Variants in EYS observed in about 807,000 individuals in gnomAD.
EYS encodes EGF-like photoreceptor maintenance factor, also known as protein eyes shut homolog.
EYS carries 250 observed loss-of-function variants against 282.1 expected under a neutral mutation model. The observed-to-expected ratio is 0.89, with a 90% CI of 0.80 to 0.98. EYS has a LOEUF of 0.98. EYS is among the 50% of genes least tolerant of loss of function. The pLI, the probability that EYS is intolerant of heterozygous loss-of-function variation, is 0.00. For synonymous variants in EYS, 1,355 were observed against 1,282.9 expected, an observed-to-expected ratio of 1.06 and a Z score of -1.20; for missense variants, 4,016 against 3,709.0, an observed-to-expected ratio of 1.08 and a Z score of -2.15.
chr6:64,485,886 C>A (rs1276427815), intron 26 of EYS, among the ~76,000 whole-genome samples: 1 of 151,180 alleles, frequency 6.6e-6, no homozygotes, highest in East Asian at 1.9e-4. Flanking sequence ...TATTAGTCAA[C>A]AAATATTCAT....
chr6:64,630,061 A>G (rs1767730440), intron 22 of EYS, among the ~76,000 whole-genome samples: 1 of 151,930 alleles, frequency 6.6e-6, no homozygotes, highest in Non-Finnish European at 1.5e-5. Flanking sequence ...TAGGTTAAGG[A>G]GTTTACCTTT....
intron 33 of EYS, among the ~76,000 whole-genome samples, chr6:64,019,814 G>A (rs1194792439): frequency 7.0e-6 from 1 of 142,396 alleles, no homozygotes; most frequent in African/African-American, 2.6e-5. Context: ...ATTAGAATGT[G>A]TATATATAAG....
chr6:64,038,710 T>A (rs1421614561), intron 33 of EYS, among the ~76,000 whole-genome samples: 6 of 151,926 alleles, frequency 3.9e-5, no homozygotes, highest in South Asian at 2.1e-4. Context: ...CTAATTCTTA[T>A]TCTGAAGATG....
chr6:64,428,285 T>A (rs1467799531), intron 28 of EYS, among the ~76,000 whole-genome samples: 1 of 152,156 alleles, frequency 6.6e-6, no homozygotes, highest in Non-Finnish European at 1.5e-5. Flanking sequence ...TCTGTTTTCT[T>A]ATATGAAATA....
chr6:64,435,423 G>T (rs2150463110), intron 28 of EYS, among the ~76,000 whole-genome samples: 1 of 147,468 alleles, frequency 6.8e-6, no homozygotes, highest in South Asian at 2.2e-4. Flanking sequence ...CTCTGTTTAG[G>T]ACTTCTTCTT....
intron 22 of EYS, among the ~76,000 whole-genome samples, chr6:64,786,439 A>G (rs1387489055): frequency 2.0e-5 from 3 of 152,044 alleles, no homozygotes; most frequent in South Asian, 2.1e-4. Context: ...AGCCCACGAA[A>G]AAGCTGGCTC....
At chr6:65,099,040 TGAA>T (rs1774817178) in intron 12 of EYS, among the ~76,000 whole-genome samples, 1 of 150,608 alleles carries the variant, frequency 6.6e-6, no homozygotes, top group African/African-American at 2.4e-5. Context: ...AAACAAGAAA[TGAA>T]GATTATGTAT....
chr6:65,535,352 G>A (rs1321890979), intron 2 of EYS, among the ~76,000 whole-genome samples: 1 of 152,080 alleles, frequency 6.6e-6, no homozygotes, highest in Non-Finnish European at 1.5e-5. Context: ...ATTGAATCAT[G>A]GGGGCAGGTC....
chr6:64,900,998 C>G (rs188119471), intron 18 of EYS, among the ~76,000 whole-genome samples: 1 of 151,940 alleles, frequency 6.6e-6, no homozygotes, highest in Admixed American at 6.6e-5. Flanking sequence ...ACCAAAATGC[C>G]CATCAATGTT....
chr6:64,468,705 T>C (rs1318059460), intron 26 of EYS, among the ~76,000 whole-genome samples: 1 of 152,220 alleles, frequency 6.6e-6, no homozygotes, highest in Non-Finnish European at 1.5e-5. Context: ...TTTCTTTGTG[T>C]CCAAATGTAC....
chr6:63,781,249 T>C (rs961954712), intron 39 of EYS, among the ~76,000 whole-genome samples: 5 of 152,220 alleles, frequency 3.3e-5, no homozygotes, highest in African/African-American at 1.2e-4. Flanking sequence ...TTTGGTTCCA[T>C]ATGAACTTTA....
intron 31 of EYS, among the ~76,000 whole-genome samples, chr6:64,107,884 ACCAGTACTT>A (rs1360427104): frequency 2.0e-5 from 3 of 152,064 alleles, no homozygotes; most frequent in African/African-American, 7.2e-5. Context: ...CTAGGAACTT[ACCAGTACTT>A]CTTAATTCCC....
At chr6:64,825,233 C>T (rs1308853796) in intron 19 of EYS, among the ~76,000 whole-genome samples, 1 of 151,932 alleles carries the variant, frequency 6.6e-6, no homozygotes, top group African/African-American at 2.4e-5. Flanking sequence ...GACTATTCAA[C>T]CACACAATAC....
At chr6:63,754,683 T>TAC (rs1769431846) in intron 41 of EYS, among the ~76,000 whole-genome samples, 1 of 152,244 alleles carries the variant, frequency 6.6e-6, no homozygotes, top group African/African-American at 2.4e-5. Flanking sequence ...GTAGCATGAT[T>TAC]TATAATCCTT....
chr6:64,850,031 CA>C (rs1765834263), intron 19 of EYS, among the ~76,000 whole-genome samples: 1 of 151,926 alleles, frequency 6.6e-6, no homozygotes, highest in African/African-American at 2.4e-5. Context: ...GTCATTCCTA[CA>C]ATTTTGCTTA....
rs757881208 is a variant in EYS, at chr6:65,384,486, A to G, written c.1199T>C (p.Phe400Ser). 12 of 1,575,072 alleles carry G rather than the reference A, an allele frequency of 7.6e-6. No homozygotes were observed. Among genetic ancestry groups the G allele is most frequent in the Non-Finnish European group, 1.0e-5 (12 of 1,147,024 alleles). Residue 400 changes from phenylalanine to serine, a missense_variant, in exon 8 of 43, where the codon TTT becomes TCT. Phe to Ser is a radical substitution (Grantham distance 155). Transcript: ENST00000503581. ...TGCTTTCTCACAGTTTTTTTCAGTA[A>G]ATCCTGATATACAGCTGTAAATACA... ...KDYPCSCISG[F>S]TEKNCEKAID...
At chr6:64,413,556 AAC>A (rs1554158143) in intron 28 of EYS, among the ~76,000 whole-genome samples, 4 of 143,528 alleles carry the variant, frequency 2.8e-5, no homozygotes, top group African/African-American at 7.5e-5. Flanking sequence ...CAACAACAAC[AAC>A]AAAAACCCAA....
intron 33 of EYS, among the ~76,000 whole-genome samples, chr6:64,032,486 A>G (rs1463192653): frequency 6.6e-6 from 1 of 152,234 alleles, no homozygotes; most frequent in Non-Finnish European, 1.5e-5. Flanking sequence ...GTGTCTGTGG[A>G]CACAAACTGA....
intron 13 of EYS, among the ~76,000 whole-genome samples, chr6:65,036,504 C>CA (rs1485814808): frequency 6.6e-6 from 1 of 151,448 alleles, no homozygotes; most frequent in Non-Finnish European, 1.5e-5. Flanking sequence ...AAAGAGGAAA[C>CA]TTTCAACCAG....
Sources: allele counts gnomAD v4.1 joint callset (sites outside exome capture counted in the v4.1 genomes callset), GRCh38; gene constraint gnomAD v4.1.1; transcripts MANE v1.5; gene names NCBI Gene and HGNC (gene_info 2026-07-23, HGNC 2026-07-21).